The following XIRP2 variants were observed in gnomAD, a reference collection of about 807,000 sequenced individuals.
XIRP2 encodes xin actin binding repeat containing 2, also known as xin actin-binding repeat-containing protein 2.
A neutral mutation model predicts 277.0 loss-of-function variants in XIRP2; 236 were observed. That is an observed-to-expected ratio of 0.85 (90% CI 0.77 to 0.95). The LOEUF (loss-of-function observed/expected upper bound fraction) is 0.95. Among genes scored for constraint, XIRP2 ranks in the 40% least tolerant of loss-of-function variants. The pLI, the probability that XIRP2 is intolerant of heterozygous loss-of-function variation, is 0.00. For synonymous variants in XIRP2, 1,490 were observed against 1,416.5 expected, an observed-to-expected ratio of 1.05 and a Z score of -1.17; for missense variants, 4,640 against 4,157.5, an observed-to-expected ratio of 1.12 and a Z score of -3.19.
chr2:167,045,443 C>T (rs1160995478), intron 2 of XIRP2, among the ~76,000 whole-genome samples: 1 of 152,034 alleles, frequency 6.6e-6, no homozygotes, highest in African/African-American at 2.4e-5. Flanking sequence ...GCAAAAGAAA[C>T]TATCATGACC....
intron 5 of XIRP2, among the ~76,000 whole-genome samples, chr2:167,219,606 G>T (rs1306091956): frequency 6.6e-6 from 1 of 152,078 alleles, no homozygotes; most frequent in African/African-American, 2.4e-5. Context: ...AGTTGCACAG[G>T]GTCCTGTACT....
At chr2:166,950,750 T>C (rs367766236) in intron 2 of XIRP2, among the ~76,000 whole-genome samples, 9 of 152,176 alleles carry the variant, frequency 5.9e-5, no homozygotes, top group African/African-American at 2.2e-4. Flanking sequence ...GGCATTTTTT[T>C]GAGCAATAAT....
Position 167,245,428 on chromosome 2 carries a change from G to A in XIRP2, c.4036G>A (p.Asp1346Asn). ...TAAAAAAGAAGAGGTAATTCATGGAGATGTGCGAGGAACAAGGTGGCTTTT... is the reference window on the plus strand; with the variant it reads ...TAAAAAAGAAGAGGTAATTCATGGAAATGTGCGAGGAACAAGGTGGCTTTT... ...TVKKEEVIHG[D>N]VRGTRWLFET... The change falls in exon 9 of 11, where the codon GAT (aspartate) becomes AAT (asparagine). Residue 1346 changes from aspartate to asparagine, a missense_variant. Coordinates refer to ENST00000409195, the MANE Select transcript of XIRP2 (RefSeq NM_152381.6). The A allele has an allele frequency of 6.2e-7, 1 of 1,613,686 alleles. No homozygotes were observed. Among genetic ancestry groups the A allele is most frequent in the African/African-American group, 1.3e-5 (1 of 75,000 alleles).
At chr2:167,081,982 C>T (rs1229819766) in intron 2 of XIRP2, among the ~76,000 whole-genome samples, 1 of 150,316 alleles carries the variant, frequency 6.7e-6, no homozygotes, top group African/African-American at 2.4e-5. Context: ...TTTTAGGGTA[C>T]ATGTGCACAG....
chr2:167,239,594 C>A (rs1447214041), intron 5 of XIRP2, among the ~76,000 whole-genome samples: 1 of 152,124 alleles, frequency 6.6e-6, no homozygotes, highest in African/African-American at 2.4e-5. Flanking sequence ...CTCCAGCCTG[C>A]AGAACAGAAT....
At chr2:167,000,959 A>C (rs1558942767) in intron 2 of XIRP2, among the ~76,000 whole-genome samples, 1 of 152,150 alleles carries the variant, frequency 6.6e-6, no homozygotes, top group South Asian at 2.1e-4. Context: ...AGGCAGTAGG[A>C]TAGCTCGAGA....
intron 2 of XIRP2, among the ~76,000 whole-genome samples, chr2:166,911,234 T>A (rs1326090831): frequency 6.6e-6 from 1 of 152,154 alleles, no homozygotes; most frequent in Non-Finnish European, 1.5e-5. Context: ...CCCATTATTA[T>A]TGTGTGGGAG....
intron 2 of XIRP2, among the ~76,000 whole-genome samples, chr2:166,914,902 T>C (rs1264654575): frequency 2.0e-5 from 3 of 152,186 alleles, no homozygotes; most frequent in African/African-American, 7.2e-5. Flanking sequence ...TAAATCATAA[T>C]GTCTTAGTTT....
At chr2:167,096,421 T>A (rs1690319451) in intron 2 of XIRP2, among the ~76,000 whole-genome samples, 1 of 152,184 alleles carries the variant, frequency 6.6e-6, no homozygotes, top group South Asian at 2.1e-4. Context: ...TTATTGTGTC[T>A]ATTTGATTCT....
At chr2:166,972,030 G>T (rs1686590949) in intron 2 of XIRP2, among the ~76,000 whole-genome samples, 1 of 152,082 alleles carries the variant, frequency 6.6e-6, no homozygotes, top group Non-Finnish European at 1.5e-5. Flanking sequence ...CCAAAATGAG[G>T]ATATTTAGAG....
At chr2:166,941,202 C>G (rs531145206) in intron 2 of XIRP2, among the ~76,000 whole-genome samples, 1 of 152,256 alleles carries the variant, frequency 6.6e-6, no homozygotes, top group East Asian at 1.9e-4. Context: ...GATTGCTGTG[C>G]GAGCAATGAG....
At chr2:166,906,784 C>T (rs1684536543) in intron 2 of XIRP2, among the ~76,000 whole-genome samples, 1 of 152,062 alleles carries the variant, frequency 6.6e-6, no homozygotes. Flanking sequence ...CATAGCAAAA[C>T]CCTGTCTCTA....
chr2:167,225,778 C>T (rs1407406512), intron 5 of XIRP2, among the ~76,000 whole-genome samples: 2 of 152,158 alleles, frequency 1.3e-5, no homozygotes. Context: ...AATTAAAATT[C>T]TCATAACAAA....
chr2:167,024,945 G>A (rs1688107174), intron 2 of XIRP2, among the ~76,000 whole-genome samples: 1 of 152,134 alleles, frequency 6.6e-6, no homozygotes, highest in Non-Finnish European at 1.5e-5. Context: ...CCAGGCATTG[G>A]TATCAGGATG....
At chr2:166,917,083 T>C (rs1001772624) in intron 2 of XIRP2, among the ~76,000 whole-genome samples, 4 of 152,172 alleles carry the variant, frequency 2.6e-5, no homozygotes, top group Non-Finnish European at 4.4e-5. Flanking sequence ...TGGACTTCTG[T>C]TTTCTCATCT....
chr2:166,986,135 T>G (rs1031789426), intron 2 of XIRP2, among the ~76,000 whole-genome samples: 2 of 152,234 alleles, frequency 1.3e-5, no homozygotes, highest in Admixed American at 1.3e-4. Flanking sequence ...AGGGCGCCAC[T>G]TCATACATTT....
intron 2 of XIRP2, among the ~76,000 whole-genome samples, chr2:167,092,163 A>T (rs1437812064): frequency 2.0e-5 from 3 of 152,130 alleles, no homozygotes; most frequent in African/African-American, 7.2e-5. Flanking sequence ...CCTGGAAGTA[A>T]ATTCCGAATT....
rs1205798385 is a variant in XIRP2, at chr2:167,243,753, A to G, written c.2361A>G (p.Thr787=). 9 of 1,613,992 alleles carry G rather than the reference A, an allele frequency of 5.6e-6. No individual in the cohort carries two copies. Among genetic ancestry groups the G allele is most frequent in the African/African-American group, 2.7e-5 (2 of 74,930 alleles). ...TGGACACAATTAACAAAGATATCAC[A>G]GAAATTAAAGTTGTCCGAGGAATAT... ...QPLDTINKDI[T]EIKVVRGISM... Residue 787 remains threonine (T), a synonymous_variant, in exon 9 of 11, where the codon ACA becomes ACG. Transcript: ENST00000409195.
chr2:167,252,337 A>G (rs944472624), intron 9 of XIRP2, among the ~76,000 whole-genome samples: 5 of 151,992 alleles, frequency 3.3e-5, no homozygotes, highest in African/African-American at 1.2e-4. Flanking sequence ...GGTTTAAATG[A>G]TATTTGCATT....
Sources: gnomAD v4.1 joint callset for allele counts (sites outside exome capture counted in the v4.1 genomes callset) on GRCh38, gnomAD v4.1.1 for gene constraint, MANE v1.5 for transcripts, NCBI Gene and HGNC (gene_info 2026-07-23, HGNC 2026-07-21) for gene names.